MRPS18A: variants seen among roughly 807,000 people sequenced by gnomAD.
The protein encoded by MRPS18A is mitochondrial ribosomal protein S18A.
Under a neutral mutation model 22.7 loss-of-function variants are expected in MRPS18A, and 20 were observed. The ratio of observed to expected loss-of-function variants is 0.88; its 90% CI spans 0.62 to 1.28. The LOEUF (loss-of-function observed/expected upper bound fraction) is 1.28, where lower values mean the gene tolerates loss of function less well. Ranked by LOEUF, MRPS18A falls within the 50% of genes most tolerant of loss-of-function variation. The pLI, the probability that MRPS18A is intolerant of heterozygous loss-of-function variation, is 0.00. For missense variants in MRPS18A, 294 were observed against 262.6 expected (o/e 1.12, Z -0.83); for synonymous variants, 106 against 99.1 (o/e 1.07, Z -0.41).
At chr6:43,674,880 G>A (rs575669115) in intron 5 of MRPS18A, among the ~76,000 whole-genome samples, 3 of 152,302 alleles carry the variant, frequency 2.0e-5, no homozygotes, top group South Asian at 4.1e-4. Context: ...TAACCCCAGC[G>A]CTGGAGAGAG....
rs1774799792 is a variant in MRPS18A at position 43,687,726 on chromosome 6, T to C, written c.54A>G (p.Leu18=). ...AGCTGGTCGCTGCCGGGCCCGCTAG[T>C]AGCCCACGGAGAAGCCGCCCACAGC... ...VSGCGRLLRG[L]LAGPAATSWS... The change falls in exon 1 of 6, where the codon CTA becomes CTG. Residue 18 remains leucine (L), a synonymous_variant. Transcript: ENST00000372133. 6.3e-7 allele frequency: 1 copy of C among 1,588,654 alleles called. No individual in the cohort carries two copies. The highest frequency in any genetic ancestry group is 8.6e-7 in the Non-Finnish European group (1 of 1,167,768).
At chr6:43,679,577 C>G (rs1392699387) in intron 2 of MRPS18A, among the ~76,000 whole-genome samples, 1 of 152,168 alleles carries the variant, frequency 6.6e-6, no homozygotes, top group Non-Finnish European at 1.5e-5. Context: ...TGGGAATTAG[C>G]TCCAATTGCA....
At chr6:43,675,054 A>C in intron 5 of MRPS18A, 148 bp downstream of exon 5, 1 of 655,242 alleles carries the variant, frequency 1.5e-6, no homozygotes, top group Non-Finnish European at 2.4e-6. Flanking sequence ...GTTGGCAAAG[A>C]AGGCAACAGA....
At chr6:43,683,337 C>G (rs973705316) in intron 1 of MRPS18A, among the ~76,000 whole-genome samples, 10 of 152,224 alleles carry the variant, frequency 6.6e-5, no homozygotes, top group Non-Finnish European at 1.3e-4. Flanking sequence ...TGACACTGAT[C>G]AGGGTGGTGT....
At chr6:43,675,709 T>C (rs1282076214) in intron 3 of MRPS18A, 92 bp from the exon 4 acceptor site, 15 of 1,439,040 alleles carry the variant, frequency 1.0e-5, no homozygotes, top group African/African-American at 4.3e-5. Context: ...GGGAGGCTGA[T>C]ATCTCCTGGG....
At chr6:43,681,926 G>A (rs1242127621) in intron 1 of MRPS18A, among the ~76,000 whole-genome samples, 2 of 152,228 alleles carry the variant, frequency 1.3e-5, no homozygotes, top group African/African-American at 4.8e-5. Context: ...CCAAGATGCA[G>A]AATGAGCCAA....
chr6:43,674,799 G>A (rs1298061443), intron 5 of MRPS18A, among the ~76,000 whole-genome samples: 1 of 152,170 alleles, frequency 6.6e-6, no homozygotes, highest in Admixed American at 6.5e-5. Context: ...TCCAGTGTGC[G>A]ACCTGCACAG....
chr6:43,683,040 C>T (rs1774501642), intron 1 of MRPS18A, among the ~76,000 whole-genome samples: 1 of 152,154 alleles, frequency 6.6e-6, no homozygotes. Flanking sequence ...ACATGTGGTT[C>T]CCTGCTTGGT....
At chr6:43,672,345 A>C (rs762082785) in intron 5 of MRPS18A, 1 of 472,368 alleles carries the variant, frequency 2.1e-6, no homozygotes, top group Admixed American at 2.3e-5. Flanking sequence ...GGAACTCCCC[A>C]GGGTACTATA....
chr6:43,681,063 T>C (rs1320211231), intron 2 of MRPS18A, 26 bp downstream of exon 2: 1 of 1,612,128 alleles, frequency 6.2e-7, no homozygotes, highest in East Asian at 2.2e-5. Context: ...AAAGAGGTTA[T>C]ACATGGCCAA....
chr6:43,676,680 G>A (rs937215853), intron 3 of MRPS18A, among the ~76,000 whole-genome samples: 2 of 152,210 alleles, frequency 1.3e-5, no homozygotes, highest in Non-Finnish European at 2.9e-5. Context: ...CGCTGTCATA[G>A]AATGGCTTAA....
intron 3 of MRPS18A, among the ~76,000 whole-genome samples, chr6:43,677,625 G>C (rs1774130604): frequency 6.6e-6 from 1 of 152,152 alleles, no homozygotes; most frequent in Non-Finnish European, 1.5e-5. Flanking sequence ...GTCATTAGGA[G>C]CATGGGATCT....
In MRPS18A at chr6:43,687,763, G is replaced by T; in HGVS notation, c.17C>A (p.Ala6Asp). MAALK[A>D]LVSGCGRLLR... ...AAGCCGCCCACAGCCGGACACCAGA[G>T]CCTTGAGGGCCGCCATCTTCAAAAA... The change falls in exon 1 of 6, where the codon GCT (alanine) becomes GAT (aspartate). Residue 6 changes from alanine (A) to aspartate (D), a missense_variant. Ala to Asp is a moderately radical substitution (Grantham distance 126). Coordinates refer to ENST00000372133, the MANE Select transcript of MRPS18A (RefSeq NM_018135.4). 1 of 1,577,814 alleles carries T rather than the reference G, an allele frequency of 6.3e-7. No individual in the cohort carries two copies. The highest frequency in any genetic ancestry group is 8.6e-7 in the Non-Finnish European group (1 of 1,161,596).
chr6:43,678,846 A>G (rs1418543812), intron 2 of MRPS18A, among the ~76,000 whole-genome samples: 1 of 152,196 alleles, frequency 6.6e-6, no homozygotes, highest in African/African-American at 2.4e-5. Context: ...TTGGTGGCCT[A>G]CAGGGGTAAT....
chr6:43,671,466 C>T lies in MRPS18A; in HGVS notation c.*296G>A. 2.1e-6 allele frequency: 1 copy of T among 481,996 alleles called. No individual in the cohort carries two copies. The highest frequency in any genetic ancestry group is 5.8e-4 in the Middle Eastern group (1 of 1,730). 29.9% of individuals were successfully genotyped at this position (481,996 alleles called of 1,614,324 possible). A position where few individuals can be genotyped will look rare whatever the true frequency, so the allele number is the denominator to read the frequency against. ...CACACCCAATGGGTAAGCCCATGAA[C>T]CCAGTTTATGACACTGCGTTGGGCA... On this transcript the variant is annotated 3_prime_UTR_variant, in exon 6 of 6. Coordinates refer to ENST00000372133, the MANE Select transcript of MRPS18A (RefSeq NM_018135.4).
In MRPS18A at chr6:43,678,405, G is replaced by A. The variant is rs1262881396; in HGVS notation, c.252+113C>T. On this transcript the variant is annotated intron_variant, in intron 3 of 5. Transcript: ENST00000372133. ...ACTGGACAAAATGCTCCCATCTCTGGTGGTTCCATGAAATGCAGCAGTAGC... is the reference window on the plus strand; with the variant it reads ...ACTGGACAAAATGCTCCCATCTCTGATGGTTCCATGAAATGCAGCAGTAGC... 11 of 780,748 alleles carry A rather than the reference G, an allele frequency of 1.4e-5. No individual in the cohort carries two copies. In the East Asian group the frequency reaches 2.3e-4, roughly 17 times the overall value. The allele number at this position is 780,748 out of a possible 1,614,324, so 48.4% of individuals were successfully genotyped here. A position where few individuals can be genotyped will look rare whatever the true frequency, so the allele number is the denominator to read the frequency against.
chr6:43,686,140 A>C (rs1442005309), intron 1 of MRPS18A, among the ~76,000 whole-genome samples: 1 of 152,236 alleles, frequency 6.6e-6, no homozygotes, highest in East Asian at 1.9e-4. Context: ...CAAAGGAAAA[A>C]ATTAAGTCTA....
intron 1 of MRPS18A, among the ~76,000 whole-genome samples, chr6:43,684,768 G>A (rs1774598619): frequency 6.6e-6 from 1 of 152,212 alleles, no homozygotes; most frequent in Admixed American, 6.5e-5. Context: ...CTGTGAAAGA[G>A]ATGAAGCAAA....
In MRPS18A at chr6:43,675,256, TGATTTGGTAATAGACCTGA is replaced by T. The variant is rs747195773; in HGVS notation, c.377-4_391del. 8 of 1,526,664 alleles carry T rather than the reference TGATTTGGTAATAGACCTGA, an allele frequency of 5.2e-6. No homozygotes were observed. The highest frequency in any genetic ancestry group is 7.0e-6 in the Non-Finnish European group (8 of 1,138,302). 94.6% of individuals were successfully genotyped at this position (1,526,664 alleles called of 1,614,324 possible). A position where few individuals can be genotyped will look rare whatever the true frequency, so the allele number is the denominator to read the frequency against. ...AACTCCTTCAGGAAGCCGAGGCCTG[TGATTTGGTAATAGACCTGA>T]GTGGCGGGGAAGAGGGGATAGTCTT... On this transcript the variant is annotated splice_acceptor_variant and splice_polypyrimidine_tract_variant and coding_sequence_variant and intron_variant, in exon 5 of 6. Transcript: ENST00000372133. LOFTEE classifies it high-confidence loss of function.
Sources: gnomAD v4.1 joint callset for allele counts (sites outside exome capture counted in the v4.1 genomes callset) on GRCh38, gnomAD v4.1.1 for gene constraint, MANE v1.5 for transcripts, NCBI Gene and HGNC (gene_info 2026-07-23, HGNC 2026-07-21) for gene names.